NCKAP5: variants seen among roughly 807,000 people sequenced by gnomAD.
NCKAP5 encodes the protein NCK associated protein 5.
Under a neutral mutation model 167.0 loss-of-function variants are expected in NCKAP5, and 92 were observed. The observed-to-expected ratio is 0.55, with a 90% CI of 0.47 to 0.66. The LOEUF (loss-of-function observed/expected upper bound fraction) is 0.66. Ranked by LOEUF, NCKAP5 falls within the 30% of genes least tolerant of loss-of-function variation. NCKAP5 has a pLI of 0.00. For missense variants in NCKAP5, 2,378 were observed against 2,315.0 expected, an observed-to-expected ratio of 1.03 and a Z score of -0.56; for synonymous variants, 891 against 877.4, an observed-to-expected ratio of 1.02 and a Z score of -0.27.
intron 16 of NCKAP5, among the ~76,000 whole-genome samples, chr2:132,744,875 TA>T (rs1389614225): frequency 2.6e-5 from 4 of 151,762 alleles, no homozygotes; most frequent in Admixed American, 6.6e-5. Context: ...AAAATGGAAA[TA>T]TTTTTTGAGA....
rs531718384 is a variant in NCKAP5, at chr2:133,237,659, T to A, written c.144-23880A>T. On this transcript the variant is annotated intron_variant, in intron 4 of 19. Transcript: ENST00000409261. ...ATGCACTGCACCGTGATAAAGACAA[T>A]TGAAGATGTAACTGCAAAGAAAAAT... Among the ~76,000 whole-genome samples the A allele has an allele frequency of 1.1e-3, 161 of 152,292 alleles. 7 individuals are homozygous for A. In the South Asian group the frequency reaches 0.033, roughly 31 times the overall value.
intron 3 of NCKAP5, among the ~76,000 whole-genome samples, chr2:133,426,839 T>C (rs564986207): frequency 3.9e-5 from 6 of 152,318 alleles, no homozygotes; most frequent in Non-Finnish European, 7.3e-5. Flanking sequence ...ATCTTTCCAT[T>C]TTTTTTCTGT....
At chr2:133,550,910 CA>C (rs1687237163) in intron 2 of NCKAP5, among the ~76,000 whole-genome samples, 1 of 150,988 alleles carries the variant, frequency 6.6e-6, no homozygotes, top group Non-Finnish European at 1.5e-5. Flanking sequence ...TCTCAGGATA[CA>C]AAATCAATGT....
intron 3 of NCKAP5, among the ~76,000 whole-genome samples, chr2:133,492,454 A>G (rs74901197): frequency 0.024 from 3,726 of 152,240 alleles, 152 homozygotes; most frequent in African/African-American, 0.085. Flanking sequence ...GTTCTATTTC[A>G]TAGCACCTTA....
chr2:132,684,222 C>T (rs902672713), intron 19 of NCKAP5, among the ~76,000 whole-genome samples: 18 of 152,208 alleles, frequency 1.2e-4, no homozygotes, highest in African/African-American at 4.1e-4. Context: ...GTCTGCCCTG[C>T]ATGGCTGTGT....
rs149494111 is a variant in NCKAP5, at chr2:132,818,240, C to T, written c.808-21511G>A. ...TTGAATCCCAAAGTGCTAGGATTAC[C>T]GGTGTGACACCATACCCAGCCCTAA... On this transcript the variant is annotated intron_variant, in intron 11 of 19. Coordinates refer to ENST00000409261, the MANE Select transcript of NCKAP5 (RefSeq NM_207363.3). 5.0e-3 allele frequency among the ~76,000 whole-genome samples: 765 copies of T among 152,320 alleles called. 12 individuals carry two copies. The highest frequency in any genetic ancestry group is 0.028 in the Admixed American group (424 of 15,306).
intron 8 of NCKAP5, among the ~76,000 whole-genome samples, chr2:132,888,275 C>G (rs1369836455): frequency 6.6e-6 from 1 of 152,136 alleles, no homozygotes; most frequent in Non-Finnish European, 1.5e-5. Context: ...TGGATATATA[C>G]TGATGTATCT....
chr2:133,106,709 T>C (rs1463478433), intron 6 of NCKAP5, among the ~76,000 whole-genome samples: 2 of 152,192 alleles, frequency 1.3e-5, no homozygotes, highest in African/African-American at 2.4e-5. Context: ...AAAAATATGG[T>C]TAGACTAGAC....
chr2:132,953,483 T>C (rs1327278857), intron 8 of NCKAP5, among the ~76,000 whole-genome samples: 1 of 152,122 alleles, frequency 6.6e-6, no homozygotes, highest in Non-Finnish European at 1.5e-5. Context: ...AATTAATTAG[T>C]ATATTTTTAA....
the NCKAP5 span, among the ~76,000 whole-genome samples, chr2:133,622,836 C>T: frequency 6.6e-6 from 1 of 152,082 alleles, no homozygotes; most frequent in African/African-American, 2.4e-5. Flanking sequence ...AAAGAGCCCA[C>T]ATAGCCAAAG....
chr2:133,326,753 T>G (rs1332809797), intron 3 of NCKAP5, among the ~76,000 whole-genome samples: 1 of 152,194 alleles, frequency 6.6e-6, no homozygotes, highest in Non-Finnish European at 1.5e-5. Context: ...CAGGATTTAA[T>G]GATGACTCAT....
chr2:133,042,338 T>C (rs2079243263), intron 6 of NCKAP5, among the ~76,000 whole-genome samples: 1 of 152,114 alleles, frequency 6.6e-6, no homozygotes, highest in Admixed American at 6.6e-5. Flanking sequence ...GAGTAGATAC[T>C]GGTAAATAAT....
At chr2:132,755,094 T>A (rs1680423086) in intron 16 of NCKAP5, among the ~76,000 whole-genome samples, 1 of 152,262 alleles carries the variant, frequency 6.6e-6, no homozygotes, top group African/African-American at 2.4e-5. Context: ...ACTGACTCAC[T>A]CCTACCTGTG....
intron 11 of NCKAP5, among the ~76,000 whole-genome samples, chr2:132,832,759 A>G (rs1425017788): frequency 6.6e-6 from 1 of 152,132 alleles, no homozygotes; most frequent in East Asian, 1.9e-4. Context: ...TTCTTTATCC[A>G]ATAATCTGTT....
intron 6 of NCKAP5, among the ~76,000 whole-genome samples, chr2:133,059,760 T>C (rs1037896232): frequency 6.6e-6 from 1 of 152,118 alleles, no homozygotes; most frequent in Non-Finnish European, 1.5e-5. Context: ...TAATAGACTA[T>C]AGTATAGTGT....
chr2:133,483,291 T>C (rs1680620504), intron 3 of NCKAP5, among the ~76,000 whole-genome samples: 1 of 152,208 alleles, frequency 6.6e-6, no homozygotes, highest in South Asian at 2.1e-4. Flanking sequence ...TATCTTTTAC[T>C]GTCATGATTT....
chr2:133,168,764 T>A (rs1173202847), intron 5 of NCKAP5, among the ~76,000 whole-genome samples: 1 of 152,182 alleles, frequency 6.6e-6, no homozygotes, highest in Admixed American at 6.5e-5. Flanking sequence ...TTCAATCCAT[T>A]TTTCCCCATA....
At chr2:133,405,284 C>T (rs560943580) in intron 3 of NCKAP5, among the ~76,000 whole-genome samples, 1 of 152,154 alleles carries the variant, frequency 6.6e-6, no homozygotes, top group Non-Finnish European at 1.5e-5. Flanking sequence ...GACTCCTGGT[C>T]AACAGCACTA....
chr2:133,574,798 C>T, the NCKAP5 span, among the ~76,000 whole-genome samples: 1 of 152,184 alleles, frequency 6.6e-6, no homozygotes, highest in East Asian at 1.9e-4. Flanking sequence ...ACCCAACAGT[C>T]TGTTCCTAAC....
Sources: gnomAD v4.1 joint callset for allele counts (sites outside exome capture counted in the v4.1 genomes callset) on GRCh38, gnomAD v4.1.1 for gene constraint, MANE v1.5 for transcripts, NCBI Gene and HGNC (gene_info 2026-07-23, HGNC 2026-07-21) for gene names.